Variants in CA10 observed in about 807,000 individuals in gnomAD.
The protein encoded by CA10 is carbonic anhydrase 10 (inactive), also known as carbonic anhydrase-related protein 10.
In CA10, 14 loss-of-function variants were observed where a neutral mutation model predicts 44.2. That is an observed-to-expected ratio of 0.32 (90% CI 0.21 to 0.50). CA10 has a LOEUF of 0.50. CA10 is among the 20% of genes least tolerant of loss of function. The probability of loss-of-function intolerance (pLI) is 0.99; values close to 1 mark genes in which losing one functional copy is unlikely to be tolerated. For missense variants in CA10, 350 were observed against 409.7 expected, an observed-to-expected ratio of 0.85 and a Z score of 1.26; for synonymous variants, 159 against 141.6, an observed-to-expected ratio of 1.12 and a Z score of -0.87.
At chr17:52,103,317 C>T (rs1377547858) in intron 1 of CA10, among the ~76,000 whole-genome samples, 4 of 152,218 alleles carry the variant, frequency 2.6e-5, no homozygotes, top group Non-Finnish European at 2.9e-5. Flanking sequence ...CTGGCACTTG[C>T]TCCAGGATCA....
chr17:51,707,671 A>ATGTATGTGTG (rs1555587853), intron 4 of CA10, among the ~76,000 whole-genome samples: 1 of 142,910 alleles, frequency 7.0e-6, no homozygotes, highest in African/African-American at 2.6e-5. Context: ...GTGGATGAAT[A>ATGTATGTGTG]TGTGTGTGTG....
rs375320962 is a variant in CA10 at position 51,660,918 on chromosome 17, T to G, written c.466-7182A>C. Among the ~76,000 whole-genome samples the G allele has an allele frequency of 1.4e-3, 215 of 152,200 alleles. 1 individual carries two copies. The highest frequency in any genetic ancestry group is 4.9e-3 in the African/African-American group (202 of 41,542). ...GAACACATGCTTATTCTGTTTCTTA[T>G]GCTTCCCTTCCCTTAAACAGAGAAG... On this transcript the variant is annotated intron_variant, in intron 4 of 8. Transcript: ENST00000451037.
At chr17:51,921,691 C>T (rs566782488) in intron 3 of CA10, among the ~76,000 whole-genome samples, 1 of 152,252 alleles carries the variant, frequency 6.6e-6, no homozygotes, top group Non-Finnish European at 1.5e-5. Context: ...GATGTAGAAC[C>T]TCAGGTACTG....
At chr17:51,770,256 G>T (rs1598036418) in intron 3 of CA10, among the ~76,000 whole-genome samples, 1 of 151,548 alleles carries the variant, frequency 6.6e-6, no homozygotes, top group Middle Eastern at 3.4e-3. Flanking sequence ...AGCTTTCCAG[G>T]CATGACTTCT....
chr17:51,706,807 C>T (rs111602686), intron 4 of CA10, among the ~76,000 whole-genome samples: 2,236 of 152,284 alleles, frequency 0.015, 56 homozygotes, highest in African/African-American at 0.051. Context: ...AGGCACACTC[C>T]TGCCTGAGGG....
chr17:52,098,360 T>C (rs914990300), intron 1 of CA10, among the ~76,000 whole-genome samples: 2 of 152,236 alleles, frequency 1.3e-5, no homozygotes, highest in Admixed American at 6.5e-5. Flanking sequence ...CCTGAGATTC[T>C]GTATTTCTAA....
At chr17:51,852,771 G>T (rs1170962135) in intron 3 of CA10, among the ~76,000 whole-genome samples, 1 of 152,150 alleles carries the variant, frequency 6.6e-6, no homozygotes, top group African/African-American at 2.4e-5. Flanking sequence ...CAGTGTTGTT[G>T]TCAAGGTTAA....
chr17:51,643,355 A>G (rs1913178318), intron 6 of CA10, among the ~76,000 whole-genome samples: 1 of 152,226 alleles, frequency 6.6e-6, no homozygotes, highest in Non-Finnish European at 1.5e-5. Context: ...CAAGTAAATT[A>G]CCAATATCTC....
chr17:51,955,468 C>A (rs533149165), intron 2 of CA10, among the ~76,000 whole-genome samples: 65 of 152,230 alleles, frequency 4.3e-4, no homozygotes, highest in African/African-American at 1.5e-3. Flanking sequence ...CTTTGGCCAC[C>A]GTGGCAACTT....
At chr17:51,909,725 C>T (rs1241453454) in intron 3 of CA10, among the ~76,000 whole-genome samples, 1 of 152,080 alleles carries the variant, frequency 6.6e-6, no homozygotes, top group Admixed American at 6.6e-5. Context: ...AAAAAGCATC[C>T]TATTCTCTTA....
chr17:51,736,471 T>C (rs1916917300), intron 4 of CA10, among the ~76,000 whole-genome samples: 1 of 152,226 alleles, frequency 6.6e-6, no homozygotes. Context: ...GCCAGGATGC[T>C]AAGTCCTGAT....
At chr17:51,989,159 T>C (rs1340686770) in intron 2 of CA10, among the ~76,000 whole-genome samples, 1 of 151,916 alleles carries the variant, frequency 6.6e-6, no homozygotes, top group Non-Finnish European at 1.5e-5. Context: ...GTTTCTTTTT[T>C]TTTTTTTTTT....
chr17:51,734,168 A>T (rs1916816597), intron 4 of CA10, among the ~76,000 whole-genome samples: 1 of 113,036 alleles, frequency 8.8e-6, no homozygotes, highest in Non-Finnish European at 1.7e-5. Flanking sequence ...GTGTGTACTC[A>T]ATCTTTGGTT....
intron 1 of CA10, 107 bp downstream of exon 1, chr17:52,157,619 T>G: frequency 1.1e-6 from 1 of 945,814 alleles, no homozygotes; most frequent in Non-Finnish European, 1.6e-6. Flanking sequence ...ACTCAAAGGG[T>G]CTCGCCACCC....
intron 3 of CA10, among the ~76,000 whole-genome samples, chr17:51,883,436 C>A (rs1980464232): frequency 1.3e-5 from 2 of 152,076 alleles, no homozygotes; most frequent in South Asian, 4.2e-4. Flanking sequence ...TTTGTAAATC[C>A]TTTCCTCCCA....
At chr17:51,674,636 ATTCT>A (rs1367872506) in intron 4 of CA10, among the ~76,000 whole-genome samples, 8 of 152,194 alleles carry the variant, frequency 5.3e-5, no homozygotes, top group Admixed American at 3.9e-4. Flanking sequence ...TCTACCTGTC[ATTCT>A]TTCTTTTCTA....
Position 51,871,394 on chromosome 17 carries a change from ATTTTTT to A in CA10, c.279+59590_279+59595del, listed in dbSNP as rs11438821. On this transcript the variant is annotated intron_variant, in intron 3 of 8. Coordinates refer to ENST00000451037, the MANE Select transcript of CA10 (RefSeq NM_020178.5). ...TTACAGGTGCCCACCACCAGGCCTA[ATTTTTT>A]TTTTTTTTTTTTTTTTTTTAGTAGA... Among the ~76,000 whole-genome samples the A allele has an allele frequency of 3.6e-4, 29 of 81,296 alleles. 1 individual carries two copies. In the East Asian group the frequency reaches 5.3e-3, roughly 15 times the overall value. 53.3% of individuals were successfully genotyped at this position (81,296 alleles called of 152,430 possible).
intron 3 of CA10, among the ~76,000 whole-genome samples, chr17:51,806,973 G>A (rs1907163522): frequency 1.3e-5 from 2 of 152,230 alleles, no homozygotes; most frequent in Admixed American, 6.5e-5. Flanking sequence ...AGGGGATCAT[G>A]TAACAGGCTT....
intron 2 of CA10, among the ~76,000 whole-genome samples, chr17:52,027,598 A>AG (rs1289676587): frequency 6.6e-6 from 1 of 152,156 alleles, no homozygotes; most frequent in African/African-American, 2.4e-5. Context: ...AGTGTAGGAA[A>AG]GAAGGAAGCC....
Sources: gnomAD v4.1 joint callset for allele counts (sites outside exome capture counted in the v4.1 genomes callset) on GRCh38, gnomAD v4.1.1 for gene constraint, MANE v1.5 for transcripts, NCBI Gene and HGNC (gene_info 2026-07-23, HGNC 2026-07-21) for gene names.